The following LARP1B variants were observed in gnomAD, a reference collection of about 807,000 sequenced individuals.
LARP1B encodes La ribonucleoprotein 1B.
A neutral mutation model predicts 114.2 loss-of-function variants in LARP1B; 76 were observed. The observed-to-expected ratio is 0.67, with a 90% confidence interval of 0.55 to 0.81. The LOEUF (loss-of-function observed/expected upper bound fraction) is 0.81, where lower values mean the gene tolerates loss of function less well. LARP1B is among the 30% of genes least tolerant of loss of function. The pLI is 0.00. For synonymous variants in LARP1B, 345 were observed against 348.0 expected, an observed-to-expected ratio of 0.99 and a Z score of 0.10; for missense variants, 1,014 against 1,075.8, an observed-to-expected ratio of 0.94 and a Z score of 0.80.
In LARP1B at chr4:128,176,803, A is replaced by G; in HGVS notation, c.1649-69A>G. On this transcript the variant is annotated intron_variant, in intron 12 of 19. Transcript: ENST00000326639. The stretch of plus-strand genomic sequence containing the variant: ...ATGTAAGAAAATAAATTTTAATTTA[A>G]TAAATGAAACAATAAATGGATAAAA... 2.8e-6 allele frequency: 4 copies of G among 1,417,840 alleles called. No individual in the cohort carries two copies. In the Admixed American group the frequency reaches 7.0e-5, roughly 25 times the overall value. 87.8% of individuals were successfully genotyped at this position (1,417,840 alleles called of 1,614,324 possible).
intron 11 of LARP1B, among the ~76,000 whole-genome samples, chr4:128,127,641 C>T (rs573913699): frequency 4.0e-4 from 61 of 152,284 alleles, no homozygotes; most frequent in African/African-American, 1.3e-3. Context: ...GGAGACCAGC[C>T]TGACCAACAT....
At chr4:128,173,089 T>C (rs1203606130) in intron 12 of LARP1B, among the ~76,000 whole-genome samples, 1 of 152,114 alleles carries the variant, frequency 6.6e-6, no homozygotes. Flanking sequence ...CTGTGCTTTA[T>C]TGAATACACA....
rs772965416 is a variant in LARP1B at position 128,122,027 on chromosome 4, C to T, written c.1363C>T (p.Pro455Ser). The T allele has an allele frequency of 4.3e-6, 7 of 1,613,712 alleles. No homozygotes were observed. The East Asian group carries it at 8.9e-5, about 21-fold the overall frequency. Reference protein sequence around the residue: ...LNKILIVTQTPPYVKKHPGGD... With the variant: ...LNKILIVTQTSPYVKKHPGGD... The stretch of plus-strand genomic sequence containing the variant: ...CAAGATTTTGATTGTAACTCAGACA[C>T]CACCTTATGTGAAAAAACATCCTGG... The change falls in exon 11 of 20, where the codon CCA (proline) becomes TCA (serine). Residue 455 changes from proline to serine, a missense_variant. Pro to Ser is a moderately conservative substitution (Grantham distance 74, BLOSUM62 -1). Transcript: ENST00000326639.
chr4:128,186,100 T>C (rs528160961), intron 15 of LARP1B, among the ~76,000 whole-genome samples: 1 of 152,330 alleles, frequency 6.6e-6, no homozygotes, highest in East Asian at 1.9e-4. Context: ...TATTTTGAAG[T>C]TGGGTAGTGT....
Position 128,114,591 on chromosome 4 carries a change from G to T in LARP1B, c.1010G>T (p.Arg337Ile), listed in dbSNP as rs751963393. 2.5e-6 allele frequency: 4 copies of T among 1,611,962 alleles called. No individual in the cohort carries two copies. Among genetic ancestry groups the T allele is most frequent in the Non-Finnish European group, 2.5e-6 (3 of 1,179,208 alleles). The change falls in exon 10 of 20, where the codon AGA becomes ATA. Residue 337 changes from arginine (R) to isoleucine (I), a missense_variant. Transcript: ENST00000326639. ...SHTESAPNSP[R>I]IGSPLSPKKN... ...TTAGAGTCTGCCCCAAATTCTCCAA[G>T]AATTGGAAGCCCATTGAGCCCAAAG...
downstream of LARP1B, chr4:128,222,863 A>T (rs1760114573): frequency 6.5e-6 from 1 of 153,118 alleles, no homozygotes; most frequent in Non-Finnish European, 1.5e-5. Context: ...CCACCAGATT[A>T]TCTTGATCTT....
chr4:128,076,378 G>A (rs1767880179), intron 3 of LARP1B, among the ~76,000 whole-genome samples: 1 of 152,140 alleles, frequency 6.6e-6, no homozygotes, highest in African/African-American at 2.4e-5. Context: ...ATATGTGGAA[G>A]CATTGAGTAG....
chr4:128,077,643 G>A (rs975605529), intron 3 of LARP1B, 145 bp from the exon 4 acceptor site: 3 of 802,750 alleles, frequency 3.7e-6, no homozygotes, highest in African/African-American at 3.5e-5. Flanking sequence ...ACTTTTAACT[G>A]TCTTTTGAAA....
chr4:128,211,274 A>C lies in LARP1B; in HGVS notation c.*1221A>C, dbSNP rs973222187. On this transcript the variant is annotated 3_prime_UTR_variant, in exon 20 of 20. Coordinates refer to ENST00000326639, the MANE Select transcript of LARP1B (RefSeq NM_018078.4). ...TTACATTCACTTTATTGAGCACTAC[A>C]TAATTTACAGATATTTTGTTGTATT... The C allele has an allele frequency of 8.4e-6, 8 of 957,274 alleles. No homozygotes were observed. The African/African-American group carries it at 1.4e-4, about 17-fold the overall frequency. 59.3% of individuals were successfully genotyped at this position (957,274 alleles called of 1,614,324 possible). A position where few individuals can be genotyped will look rare whatever the true frequency, so the allele number is the denominator to read the frequency against.
chr4:128,137,759 G>A (rs1028688877), intron 11 of LARP1B, among the ~76,000 whole-genome samples: 2 of 142,376 alleles, frequency 1.4e-5, no homozygotes, highest in African/African-American at 5.3e-5. Flanking sequence ...ATACAGAAAC[G>A]TGTGTGTATA....
At position 128,097,874 on chromosome 4, in the gene LARP1B, T is replaced by A. The variant is rs1346589001; in HGVS notation, c.669-312T>A. 3.3e-5 allele frequency among the ~76,000 whole-genome samples: 5 copies of A among 152,100 alleles called. No homozygotes were observed. In the East Asian group the frequency reaches 7.7e-4, roughly 23 times the overall value. ...AAAGATTTTCATCTAATTAACTCAT[T>A]AAAAAAAATTATTGAACTATTTTAA... is the stretch of plus-strand genomic sequence containing the variant. On this transcript the variant is annotated intron_variant, in intron 7 of 19. Transcript: ENST00000326639.
At chr4:128,164,571 A>C (rs1269009416) in intron 12 of LARP1B, among the ~76,000 whole-genome samples, 3 of 152,204 alleles carry the variant, frequency 2.0e-5, no homozygotes, top group Non-Finnish European at 2.9e-5. Context: ...GGGAAGACCA[A>C]ATGGCCAATA....
chr4:128,123,814 G>C (rs1788739744), intron 11 of LARP1B: 1 of 413,820 alleles, frequency 2.4e-6, no homozygotes, highest in Non-Finnish European at 3.2e-6. Flanking sequence ...CTATTTGTAG[G>C]TGATTATTTC....
At chr4:128,181,409 C>T (rs1748332871) in intron 15 of LARP1B, among the ~76,000 whole-genome samples, 1 of 152,092 alleles carries the variant, frequency 6.6e-6, no homozygotes, top group African/African-American at 2.4e-5. Flanking sequence ...AACTGCTGAC[C>T]TCAGGTGATC....
intron 5 of LARP1B, among the ~76,000 whole-genome samples, chr4:128,087,273 GA>G (rs901830752): frequency 2.6e-5 from 4 of 152,160 alleles, no homozygotes; most frequent in African/African-American, 9.7e-5. Context: ...CAGAGGATAG[GA>G]TATGTGGAAA....
intron 11 of LARP1B, among the ~76,000 whole-genome samples, chr4:128,135,200 C>T (rs1187131291): frequency 1.3e-5 from 2 of 151,440 alleles, no homozygotes; most frequent in Non-Finnish European, 2.9e-5. Flanking sequence ...AATAGAAATG[C>T]AAATAAAAAA....
At chr4:128,172,657 C>T (rs1744261962) in intron 12 of LARP1B, among the ~76,000 whole-genome samples, 1 of 151,728 alleles carries the variant, frequency 6.6e-6, no homozygotes, top group African/African-American at 2.4e-5. Context: ...CAAACCACTG[C>T]ATTCCAGCCT....
Position 128,081,063 on chromosome 4 carries a change from G to A in LARP1B, c.218-1102G>A, listed in dbSNP as rs563991687. On this transcript the variant is annotated intron_variant, in intron 4 of 19. Coordinates refer to ENST00000326639, the MANE Select transcript of LARP1B (RefSeq NM_018078.4). ...TAAGAATCAAGTACTAAACAGGAAT[G>A]TTATGTATATATACTTTTTTTTTTT... is the stretch of plus-strand genomic sequence containing the variant. Among the ~76,000 whole-genome samples, 5 of 144,998 alleles carry A rather than the reference G, an allele frequency of 3.4e-5. No homozygotes were observed. The East Asian group carries it at 8.0e-4, about 23-fold the overall frequency.
intron 11 of LARP1B, among the ~76,000 whole-genome samples, chr4:128,161,154 C>T (rs1050029822): frequency 5.3e-5 from 8 of 152,212 alleles, no homozygotes; most frequent in African/African-American, 1.4e-4. Flanking sequence ...CCTCAAACTC[C>T]TTTTTTATCT....
Sources: gnomAD v4.1 joint callset for allele counts (sites outside exome capture counted in the v4.1 genomes callset) on GRCh38, gnomAD v4.1.1 for gene constraint, MANE v1.5 for transcripts, NCBI Gene and HGNC (gene_info 2026-07-23, HGNC 2026-07-21) for gene names.